The following MICU2 variants were observed in gnomAD, a reference collection of about 807,000 sequenced individuals.
MICU2 encodes the protein mitochondrial calcium uptake 2, also known as calcium uptake protein 2, mitochondrial.
In MICU2, 64 loss-of-function variants were observed where a neutral mutation model predicts 60.4. The ratio of observed to expected loss-of-function variants is 1.06; its 90% confidence interval spans 0.87 to 1.31. The LOEUF is 1.31. MICU2 is among the 50% of genes most tolerant of loss of function. The pLI, the probability that MICU2 is intolerant of heterozygous loss-of-function variation, is 0.00. For synonymous variants in MICU2, 201 were observed against 175.0 expected, an observed-to-expected ratio of 1.15 and a Z score of -1.17; for missense variants, 569 against 531.0, an observed-to-expected ratio of 1.07 and a Z score of -0.70.
rs766086994 is a variant in MICU2 at position 21,493,013 on chromosome 13, TACAAA to T, written c.*231_*235del. On this transcript the variant is annotated 3_prime_UTR_variant, in exon 12 of 12. Coordinates refer to ENST00000382374, the MANE Select transcript of MICU2 (RefSeq NM_152726.3). ...CACTAAGTTTTCCATCTTACCGAAG[TACAAA>T]ACATTATTTCAAATCTAGGCCTTCT... 4.2e-4 allele frequency: 122 copies of T among 292,686 alleles called. No individual in the cohort carries two copies. The highest frequency in any genetic ancestry group is 6.2e-4 in the Non-Finnish European group (98 of 158,706). 18.1% of individuals were successfully genotyped at this position (292,686 alleles called of 1,614,324 possible).
At chr13:21,592,075 A>G (rs1383812035) in intron 1 of MICU2, among the ~76,000 whole-genome samples, 1 of 151,962 alleles carries the variant, frequency 6.6e-6, no homozygotes, top group Non-Finnish European at 1.5e-5. Context: ...CAACAAATCC[A>G]GGAGCTGGTT....
chr13:21,531,169 A>G, intron 4 of MICU2: 1 of 930,394 alleles, frequency 1.1e-6, no homozygotes. Context: ...AACCACTGTG[A>G]CAAAAAGGAA....
intron 7 of MICU2, among the ~76,000 whole-genome samples, chr13:21,513,739 CAAAAAAAAAAAAAAAA>C (rs376128312): frequency 3.4e-5 from 2 of 59,112 alleles, no homozygotes; most frequent in East Asian, 1.4e-3. Flanking sequence ...GACTCTGTCT[CAAAAAAAAAAAAAAAA>C]AAAAAAAAAG....
At chr13:21,533,034 C>T (rs1005845212) in intron 4 of MICU2, among the ~76,000 whole-genome samples, 2 of 151,934 alleles carry the variant, frequency 1.3e-5, no homozygotes, top group Non-Finnish European at 2.9e-5. Context: ...AGAAAAGAGG[C>T]CTAGAGCAAA....
chr13:21,545,205 G>C (rs1288984555), intron 2 of MICU2, among the ~76,000 whole-genome samples: 1 of 152,078 alleles, frequency 6.6e-6, no homozygotes, highest in Non-Finnish European at 1.5e-5. Context: ...AACAACAGAT[G>C]AAGAACAGAT....
intron 9 of MICU2, among the ~76,000 whole-genome samples, chr13:21,501,091 A>G (rs1886139625): frequency 6.6e-6 from 1 of 152,124 alleles, no homozygotes; most frequent in Non-Finnish European, 1.5e-5. Context: ...TCCTACTGCC[A>G]TTTATTAATA....
chr13:21,496,138 T>C lies in MICU2; in HGVS notation c.956A>G (p.Lys319Arg). The change falls in exon 10 of 12, where the codon AAG (lysine) becomes AGG (arginine). Residue 319 changes from lysine to arginine, a missense_variant. Lys to Arg is a conservative substitution (Grantham distance 26, BLOSUM62 2). Coordinates refer to ENST00000382374, the MANE Select transcript of MICU2 (RefSeq NM_152726.3). ...GTGGGTTGTAAAATGGCAAAATGAC[T>C]TGAATTCATCCAAACTAATGCTCTA... ...AGESISLDEF[K>R]SFCHFTTHLE... The C allele has an allele frequency of 6.2e-7, 1 of 1,613,840 alleles. No individual in the cohort carries two copies. Among genetic ancestry groups the C allele is most frequent in the South Asian group, 1.1e-5 (1 of 91,054 alleles).
chr13:21,553,505 GCCTGC>G (rs1445602976), intron 2 of MICU2, among the ~76,000 whole-genome samples: 4 of 152,054 alleles, frequency 2.6e-5, no homozygotes, highest in Admixed American at 2.6e-4. Context: ...TCCCCACCAG[GCCTGC>G]CCTAAAAGAG....
At chr13:21,563,551 G>C (rs576258166) in intron 2 of MICU2, among the ~76,000 whole-genome samples, 1 of 151,666 alleles carries the variant, frequency 6.6e-6, no homozygotes, top group South Asian at 2.1e-4. Flanking sequence ...TTGAATCTAT[G>C]GCTTGACATT....
chr13:21,562,212 T>C (rs1333101960), intron 2 of MICU2, among the ~76,000 whole-genome samples: 2 of 152,176 alleles, frequency 1.3e-5, no homozygotes, highest in African/African-American at 2.4e-5. Context: ...TTTATAGTCC[T>C]GTGGGTATAT....
intron 1 of MICU2, among the ~76,000 whole-genome samples, chr13:21,591,221 T>C (rs1387145735): frequency 6.9e-6 from 1 of 145,208 alleles, no homozygotes. Flanking sequence ...AAAGCAGGGG[T>C]TGCAATCCTA....
chr13:21,524,922 T>G (rs1886810206), intron 4 of MICU2, among the ~76,000 whole-genome samples: 1 of 152,214 alleles, frequency 6.6e-6, no homozygotes, highest in African/African-American at 2.4e-5. Context: ...GTTTTAAAGG[T>G]TCATTCATAC....
intron 2 of MICU2, among the ~76,000 whole-genome samples, chr13:21,563,282 T>C (rs1008727405): frequency 5.3e-5 from 8 of 151,962 alleles, no homozygotes; most frequent in South Asian, 2.1e-4. Flanking sequence ...GGTGAAACCC[T>C]GTCTCTACTA....
intron 2 of MICU2, among the ~76,000 whole-genome samples, chr13:21,561,539 A>C (rs77653421): frequency 2.1e-5 from 3 of 141,166 alleles, no homozygotes; most frequent in Non-Finnish European, 4.5e-5. Context: ...TCACCCATTA[A>C]AAAAAAAAAA....
Position 21,566,821 on chromosome 13 carries a change from A to C in MICU2, c.334T>G (p.Ser112Ala), listed in dbSNP as rs1887994395. 6.3e-7 allele frequency: 1 copy of C among 1,599,432 alleles called. No homozygotes were observed. Among genetic ancestry groups the C allele is most frequent in the African/African-American group, 1.3e-5 (1 of 74,362 alleles). ...CGTTCCATTTGCTCAAACATCACTG[A>C]GAAGAGGAAGTCTCGTGGTGTCATA... ...YYMTPRDFLF[S>A]VMFEQMERKT... The change falls in exon 2 of 12, where the codon TCA becomes GCA. Residue 112 changes from serine to alanine, a missense_variant. Coordinates refer to ENST00000382374, the MANE Select transcript of MICU2 (RefSeq NM_152726.3).
chr13:21,576,955 T>G (rs1468877429), intron 1 of MICU2, among the ~76,000 whole-genome samples: 1 of 152,240 alleles, frequency 6.6e-6, no homozygotes, highest in Non-Finnish European at 1.5e-5. Flanking sequence ...ACAAAAAATT[T>G]TAAAACTTTC....
intron 1 of MICU2, among the ~76,000 whole-genome samples, chr13:21,603,144 C>A (rs768230940): frequency 9.9e-5 from 14 of 141,560 alleles, no homozygotes; most frequent in Non-Finnish European, 2.2e-4. Context: ...ACCGGGGGGG[C>A]GGGGCTGGGG....
intron 1 of MICU2, among the ~76,000 whole-genome samples, chr13:21,579,652 C>T (rs879672074): frequency 9.2e-5 from 14 of 152,112 alleles, no homozygotes; most frequent in Non-Finnish European, 1.8e-4. Flanking sequence ...CAAAGCTCTG[C>T]TTTATATCAG....
chr13:21,501,554 A>G (rs1191277337), intron 9 of MICU2, among the ~76,000 whole-genome samples: 1 of 152,156 alleles, frequency 6.6e-6, no homozygotes, highest in Non-Finnish European at 1.5e-5. Flanking sequence ...GATCATATAA[A>G]GTTTTATAGC....
Sources: gnomAD v4.1 joint callset for allele counts (sites outside exome capture counted in the v4.1 genomes callset) on GRCh38, gnomAD v4.1.1 for gene constraint, MANE v1.5 for transcripts, NCBI Gene and HGNC (gene_info 2026-07-23, HGNC 2026-07-21) for gene names.